Variants in DOCK3 observed in about 807,000 individuals in gnomAD.
The protein encoded by DOCK3 is dedicator of cytokinesis 3, also known as dedicator of cytokinesis protein 3.
Under a neutral mutation model 265.6 loss-of-function variants are expected in DOCK3, and 60 were observed. The observed-to-expected ratio is 0.23, with a 90% CI of 0.18 to 0.28. The LOEUF (loss-of-function observed/expected upper bound fraction) is 0.28, where lower values mean the gene tolerates loss of function less well. DOCK3 is among the 10% of genes least tolerant of loss of function. The pLI, the probability that DOCK3 is intolerant of heterozygous loss-of-function variation, is 1.00. For synonymous variants in DOCK3, 881 were observed against 938.0 expected, an observed-to-expected ratio of 0.94 and a Z score of 1.11; for missense variants, 1,981 against 2,594.3, an observed-to-expected ratio of 0.76 and a Z score of 5.14.
chr3:51,303,116 T>C (rs753155338), intron 27 of DOCK3, among the ~76,000 whole-genome samples: 1 of 105,796 alleles, frequency 9.5e-6, no homozygotes, highest in Non-Finnish European at 2.4e-5. Flanking sequence ...TTCCTTTTCA[T>C]TTTTTTTTTT....
chr3:50,834,362 T>C (rs1431822655), intron 2 of DOCK3, among the ~76,000 whole-genome samples: 1 of 152,146 alleles, frequency 6.6e-6, no homozygotes, highest in Non-Finnish European at 1.5e-5. Context: ...TAATTTTAGT[T>C]ACTTCTGTGG....
At chr3:50,810,701 T>G (rs879823605) in intron 2 of DOCK3, among the ~76,000 whole-genome samples, 4 of 152,026 alleles carry the variant, frequency 2.6e-5, no homozygotes, top group Non-Finnish European at 5.9e-5. Flanking sequence ...AAAAATATAT[T>G]AAATAAAAGA....
chr3:50,937,425 C>T (rs926291373), intron 5 of DOCK3, among the ~76,000 whole-genome samples: 3 of 151,740 alleles, frequency 2.0e-5, no homozygotes, highest in Non-Finnish European at 2.9e-5. Flanking sequence ...GAGGCCGAGG[C>T]GGGCAGATCA....
chr3:50,881,479 A>G (rs1403980729), intron 3 of DOCK3, among the ~76,000 whole-genome samples: 1 of 152,212 alleles, frequency 6.6e-6, no homozygotes, highest in East Asian at 1.9e-4. Flanking sequence ...CCAGTAACAG[A>G]CAGAGAGCCA....
chr3:50,807,346 C>T (rs1203844236), intron 2 of DOCK3, among the ~76,000 whole-genome samples: 1 of 151,430 alleles, frequency 6.6e-6, no homozygotes, highest in Non-Finnish European at 1.5e-5. Context: ...ACTTTGAACT[C>T]CTGGGCTCAA....
intron 10 of DOCK3, among the ~76,000 whole-genome samples, chr3:51,157,847 C>A (rs932321349): frequency 6.7e-6 from 1 of 149,146 alleles, no homozygotes; most frequent in Admixed American, 6.7e-5. Flanking sequence ...TTGCCCAGGC[C>A]GGACTGCAGT....
intron 5 of DOCK3, among the ~76,000 whole-genome samples, chr3:50,948,021 A>AATTATCATC (rs1425455436): frequency 8.3e-6 from 1 of 120,354 alleles, no homozygotes; most frequent in Admixed American, 9.1e-5. Context: ...ACGCCCAGCT[A>AATTATCATC]ATTATTATTA....
chr3:51,269,094 A>ACTCTCTCTCTCT (rs113113347), intron 23 of DOCK3, among the ~76,000 whole-genome samples: 1 of 141,196 alleles, frequency 7.1e-6, no homozygotes, highest in African/African-American at 2.6e-5. Flanking sequence ...GAGTTTCACA[A>ACTCTCTCTCTCT]CTCTCTCTCT....
At chr3:51,306,460 A>G (rs1400830423) in intron 27 of DOCK3, among the ~76,000 whole-genome samples, 1 of 152,084 alleles carries the variant, frequency 6.6e-6, no homozygotes, top group Non-Finnish European at 1.5e-5. Context: ...TTTTTCATCA[A>G]TTTTGGAAAG....
In DOCK3 at chr3:51,008,074, G is replaced by C. The variant is rs536605198; in HGVS notation, c.316-56374G>C. Among the ~76,000 whole-genome samples, 23 of 152,120 alleles carry C rather than the reference G, an allele frequency of 1.5e-4. No individual in the cohort carries two copies. In the South Asian group the frequency reaches 2.7e-3, roughly 18 times the overall value. ...GTAGCATGATGCCTCCAGCTTTGTT[G>C]TTTTGGCTTAGGATTGTGTTGGCAA... On this transcript the variant is annotated intron_variant, in intron 5 of 52. Transcript: ENST00000266037.
chr3:51,099,833 G>A (rs1346671363), intron 9 of DOCK3, among the ~76,000 whole-genome samples: 1 of 152,170 alleles, frequency 6.6e-6, no homozygotes, highest in East Asian at 1.9e-4. Context: ...AAGCATAAGG[G>A]AGATTTGCTG....
Position 50,675,430 on chromosome 3 carries a change from C to T in DOCK3, c.37+130C>T. On this transcript the variant is annotated intron_variant, in intron 1 of 52. Coordinates refer to ENST00000266037, the MANE Select transcript of DOCK3 (RefSeq NM_004947.5). The surrounding 1 kb of genome is among the most constrained non-coding windows in gnomAD (Gnocchi z 6.1). ...CTGCGCGGCCTCGGCGCGGGGCGAG[C>T]GCGGGGTGGGGGCAGGTGCGGGTGC... The T allele has an allele frequency of 1.2e-6, 1 of 837,490 alleles. No individual in the cohort carries two copies. The highest frequency in any genetic ancestry group is 1.5e-6 in the Non-Finnish European group (1 of 662,212). 51.9% of individuals were successfully genotyped at this position (837,490 alleles called of 1,614,324 possible).
intron 1 of DOCK3, among the ~76,000 whole-genome samples, chr3:50,703,232 A>T (rs888972274): frequency 2.6e-5 from 4 of 152,026 alleles, no homozygotes; most frequent in African/African-American, 9.7e-5. Flanking sequence ...ATGTGTTATT[A>T]TATTTGGTTT....
intron 1 of DOCK3, among the ~76,000 whole-genome samples, chr3:50,699,736 G>A (rs1025372376): frequency 6.6e-6 from 1 of 152,166 alleles, no homozygotes; most frequent in African/African-American, 2.4e-5. Flanking sequence ...CAAGAGGCTT[G>A]CAGTCAAGCC....
At chr3:50,869,342 A>ATTTTTTTTTTTTTT (rs755531254) in intron 3 of DOCK3, among the ~76,000 whole-genome samples, 868 of 70,106 alleles carry the variant, frequency 0.012, 431 homozygotes, top group South Asian at 0.016. Flanking sequence ...TCTGCTGGGA[A>ATTTTTTTTTTTTTT]TTTTTTTTTT....
At chr3:51,187,380 T>A (rs1050172787) in intron 12 of DOCK3, among the ~76,000 whole-genome samples, 1 of 152,190 alleles carries the variant, frequency 6.6e-6, no homozygotes, top group Admixed American at 6.5e-5. Context: ...ATCTAGGAAG[T>A]GACTAACTTG....
At chr3:50,897,879 CA>C (rs1450459434) in intron 4 of DOCK3, among the ~76,000 whole-genome samples, 1 of 94,640 alleles carries the variant, frequency 1.1e-5, no homozygotes, top group Non-Finnish European at 2.1e-5. Flanking sequence ...TTCGTTTTGC[CA>C]GTATTTTACT....
chr3:51,370,115 T>C (rs2087562971), intron 49 of DOCK3, among the ~76,000 whole-genome samples: 1 of 152,190 alleles, frequency 6.6e-6, no homozygotes, highest in Non-Finnish European at 1.5e-5. Flanking sequence ...ATATGTGTTA[T>C]CAAGAAGGCA....
chr3:51,348,615 A>C (rs2085754178), intron 38 of DOCK3, among the ~76,000 whole-genome samples: 1 of 152,236 alleles, frequency 6.6e-6, no homozygotes, highest in Non-Finnish European at 1.5e-5. Context: ...CAAAGCAGTC[A>C]GGGAAGGCCT....
Sources: gnomAD v4.1 joint callset for allele counts (sites outside exome capture counted in the v4.1 genomes callset) on GRCh38, gnomAD v4.1.1 for gene constraint, Gnocchi (gnomAD v3.1) non-coding constraint, MANE v1.5 for transcripts, NCBI Gene and HGNC (gene_info 2026-07-23, HGNC 2026-07-21) for gene names.